Variants in SNX9 observed in about 807,000 individuals in gnomAD.
SNX9 encodes sorting nexin-9.
In SNX9, 44 loss-of-function variants were observed where a neutral mutation model predicts 89.4. The observed-to-expected ratio is 0.49, with a 90% CI of 0.39 to 0.63. The LOEUF is 0.63. Ranked by LOEUF, SNX9 falls within the 30% of genes least tolerant of loss-of-function variation. SNX9 has a pLI of 0.00. For missense variants in SNX9, 578 were observed against 736.1 expected, an observed-to-expected ratio of 0.79 and a Z score of 2.49; for synonymous variants, 236 against 247.8, an observed-to-expected ratio of 0.95 and a Z score of 0.45.
In SNX9 at chr6:157,938,949, A is replaced by ATGACAGCT. The variant is rs1402623526; in HGVS notation, c.1648+206_1648+213dup. 5.3e-5 allele frequency among the ~76,000 whole-genome samples: 8 copies of ATGACAGCT among 152,320 alleles called. No homozygotes were observed. In the East Asian group the frequency reaches 1.5e-3, roughly 29 times the overall value. ...ACCTGTCCACCTTATCTGGCTATAG[A>ATGACAGCT]TGACAGCTTGATTAAAACTGTACAT... On this transcript the variant is annotated intron_variant, in intron 16 of 17. Coordinates refer to ENST00000392185, the MANE Select transcript of SNX9 (RefSeq NM_016224.5).
At chr6:157,939,529 G>T (rs2115222304) in intron 16 of SNX9, among the ~76,000 whole-genome samples, 1 of 152,300 alleles carries the variant, frequency 6.6e-6, no homozygotes, top group African/African-American at 2.4e-5. Context: ...CCATCTCACT[G>T]TTGTAGTCTG....
chr6:157,933,093 C>G (rs1313365913), intron 13 of SNX9, among the ~76,000 whole-genome samples: 1 of 151,848 alleles, frequency 6.6e-6, no homozygotes, highest in East Asian at 1.9e-4. Context: ...GGGAAAGGAA[C>G]CCAGGCAACA....
intron 5 of SNX9, among the ~76,000 whole-genome samples, chr6:157,900,830 G>T (rs1310804280): frequency 2.0e-5 from 3 of 152,190 alleles, no homozygotes; most frequent in African/African-American, 4.8e-5. Context: ...AACAGTTGCA[G>T]CAAAAGCTGG....
chr6:157,887,949 T>G (rs1782771408), intron 4 of SNX9, among the ~76,000 whole-genome samples: 1 of 152,206 alleles, frequency 6.6e-6, no homozygotes, highest in South Asian at 2.1e-4. Context: ...ACACATCTGC[T>G]GCAGTTTACC....
Position 157,853,603 on chromosome 6 carries a change from A to G in SNX9, c.13-13944A>G, listed in dbSNP as rs566967953. Reference sequence around the variant, plus strand: ...AACTGTTGTTGTTTCATAGGTGACTAACTGGGTAGGGGAATGTCTGGTTCC... The same window carrying G: ...AACTGTTGTTGTTTCATAGGTGACTGACTGGGTAGGGGAATGTCTGGTTCC... On this transcript the variant is annotated intron_variant, in intron 1 of 17. Transcript: ENST00000392185. Among the ~76,000 whole-genome samples, 31 of 152,294 alleles carry G rather than the reference A, an allele frequency of 2.0e-4. No homozygotes were observed. In the South Asian group the frequency reaches 6.0e-3, roughly 30 times the overall value.
chr6:157,941,070 A>T (rs1784026602), intron 17 of SNX9, 96 bp downstream of exon 17: 1 of 1,071,872 alleles, frequency 9.3e-7, no homozygotes, highest in Admixed American at 2.2e-5. Context: ...TGTATTCTTT[A>T]ATCCTAAGTA....
chr6:157,860,053 C>T (rs1782087614), intron 1 of SNX9, among the ~76,000 whole-genome samples: 1 of 152,150 alleles, frequency 6.6e-6, no homozygotes, highest in South Asian at 2.1e-4. Flanking sequence ...TTTTGCACTG[C>T]GGCAGCAGAG....
At chr6:157,880,809 G>A (rs543639141) in intron 4 of SNX9, among the ~76,000 whole-genome samples, 10 of 152,278 alleles carry the variant, frequency 6.6e-5, no homozygotes, top group African/African-American at 2.4e-4. Flanking sequence ...GACTGTCTAG[G>A]TTTTAATCCC....
intron 1 of SNX9, among the ~76,000 whole-genome samples, chr6:157,849,252 G>A (rs1217041054): frequency 6.6e-6 from 1 of 152,254 alleles, no homozygotes; most frequent in Non-Finnish European, 1.5e-5. Flanking sequence ...AGAAAAAAGA[G>A]GGTACAGTTA....
intron 1 of SNX9, among the ~76,000 whole-genome samples, chr6:157,861,584 T>C (rs1357838388): frequency 2.0e-5 from 3 of 152,168 alleles, no homozygotes; most frequent in African/African-American, 4.8e-5. Context: ...TAATATTCTG[T>C]ATTTAGTTCA....
At chr6:157,874,948 AT>A in intron 3 of SNX9, 102 bp from the exon 4 acceptor site, 1 of 1,316,268 alleles carries the variant, frequency 7.6e-7, no homozygotes, top group Non-Finnish European at 1.0e-6. Context: ...AATTTGTAGC[AT>A]TGAAGAATAT....
intron 2 of SNX9, among the ~76,000 whole-genome samples, chr6:157,869,926 C>G (rs764414738): frequency 7.2e-5 from 11 of 152,082 alleles, no homozygotes; most frequent in Middle Eastern, 3.2e-3. Context: ...TCATACACCT[C>G]TCATGCTCTC....
intron 6 of SNX9, among the ~76,000 whole-genome samples, chr6:157,905,645 C>T (rs1783195302): frequency 7.1e-6 from 1 of 141,082 alleles, no homozygotes; most frequent in Admixed American, 7.9e-5. Context: ...CCAAAAGAAA[C>T]AAGCACATAT....
intron 1 of SNX9, chr6:157,829,086 G>A (rs1277383043): frequency 6.7e-6 from 1 of 149,714 alleles, no homozygotes; most frequent in Non-Finnish European, 1.5e-5. Flanking sequence ...GTGTTTTAGT[G>A]TATTTGTTAA....
In SNX9 at chr6:157,894,323, T is replaced by G. The variant is rs111707743; in HGVS notation, c.301-2504T>G. Reference sequence around the variant, plus strand: ...TGGGGTTTCACCGTGTTGGCCAGGCTGATCTCAAACTCCTGACCTCAGGTG... The same window carrying G: ...TGGGGTTTCACCGTGTTGGCCAGGCGGATCTCAAACTCCTGACCTCAGGTG... On this transcript the variant is annotated intron_variant, in intron 4 of 17. Transcript: ENST00000392185. 2.7e-3 allele frequency among the ~76,000 whole-genome samples: 417 copies of G among 151,664 alleles called. 2 individuals carry two copies. Among genetic ancestry groups the G allele is most frequent in the African/African-American group, 8.8e-3 (365 of 41,364 alleles).
intron 12 of SNX9, 50 bp from the exon 13 acceptor site, chr6:157,932,145 C>A: frequency 6.7e-7 from 1 of 1,498,628 alleles, no homozygotes; most frequent in South Asian, 1.1e-5. Flanking sequence ...AGTTTAATCC[C>A]ATTTCAGTTT....
At chr6:157,900,170 A>G (rs1240098097) in intron 5 of SNX9, among the ~76,000 whole-genome samples, 1 of 152,088 alleles carries the variant, frequency 6.6e-6, no homozygotes, top group Non-Finnish European at 1.5e-5. Context: ...AGACCTGTTA[A>G]AAGTTCCACA....
chr6:157,900,150 A>G (rs1352910918), intron 5 of SNX9, among the ~76,000 whole-genome samples: 1 of 151,842 alleles, frequency 6.6e-6, no homozygotes, highest in Admixed American at 6.6e-5. Flanking sequence ...AGTTTTTTAG[A>G]TTTTTTTAAA....
chr6:157,869,396 G>A (rs1007221593), intron 2 of SNX9, among the ~76,000 whole-genome samples: 12 of 152,066 alleles, frequency 7.9e-5, no homozygotes, highest in African/African-American at 2.2e-4. Flanking sequence ...CACTGACCAC[G>A]TCCAGACTCA....
Sources: gnomAD v4.1 joint callset for allele counts (sites outside exome capture counted in the v4.1 genomes callset) on GRCh38, gnomAD v4.1.1 for gene constraint, MANE v1.5 for transcripts, NCBI Gene and HGNC (gene_info 2026-07-23, HGNC 2026-07-21) for gene names.